DLGAP3: variants seen among roughly 807,000 people sequenced by gnomAD.
DLGAP3 encodes DLG associated protein 3, also known as disks large-associated protein 3.
DLGAP3 carries 17 observed loss-of-function variants against 81.2 expected under a neutral mutation model. The ratio of observed to expected loss-of-function variants is 0.21; its 90% CI spans 0.14 to 0.31. DLGAP3 has a LOEUF of 0.31. Ranked by LOEUF, DLGAP3 falls within the 10% of genes least tolerant of loss-of-function variation. The pLI is 1.00. For missense variants in DLGAP3, 1,124 were observed against 1,388.0 expected, an observed-to-expected ratio of 0.81 and a Z score of 3.02; for synonymous variants, 577 against 587.4, an observed-to-expected ratio of 0.98 and a Z score of 0.26.
At chr1:34,899,286 T>G (rs1639420715) in intron 5 of DLGAP3, among the ~76,000 whole-genome samples, 1 of 152,146 alleles carries the variant, frequency 6.6e-6, no homozygotes, top group South Asian at 2.1e-4. Context: ...GCCAGGCTGG[T>G]CTTGGTCTCC....
At chr1:34,889,919 T>A (rs1194109204) in intron 5 of DLGAP3, among the ~76,000 whole-genome samples, 2 of 152,156 alleles carry the variant, frequency 1.3e-5, no homozygotes, top group Admixed American at 6.5e-5. Context: ...TGGTAAAGGC[T>A]TAGGTTTTAA....
intron 1 of DLGAP3, among the ~76,000 whole-genome samples, chr1:34,909,844 A>G (rs1019913140): frequency 1.3e-5 from 2 of 152,152 alleles, no homozygotes; most frequent in African/African-American, 4.8e-5. Context: ...AAAAAAACAG[A>G]TGTGCCTTTT....
intron 1 of DLGAP3, among the ~76,000 whole-genome samples, chr1:34,925,188 C>G (rs1639851025): frequency 6.6e-6 from 1 of 151,966 alleles, no homozygotes; most frequent in Non-Finnish European, 1.5e-5. Flanking sequence ...TGACAACCCC[C>G]CCCCCACCTT....
intron 1 of DLGAP3, among the ~76,000 whole-genome samples, chr1:34,913,939 C>A (rs551673780): frequency 6.6e-6 from 1 of 152,270 alleles, no homozygotes; most frequent in East Asian, 1.9e-4. Context: ...GCATCTAGGT[C>A]TCCCCCAGAT....
At position 34,889,440 on chromosome 1, in the gene DLGAP3, C is replaced by A. The variant is rs568765262; in HGVS notation, c.1387-3155G>T. On this transcript the variant is annotated intron_variant, in intron 5 of 11. Coordinates refer to ENST00000373347, the MANE Select transcript of DLGAP3 (RefSeq NM_001080418.3). ...ATTGTACTGTGAATGCTCCTATTAT[C>A]CCTGCACTGACTTCCACCCTGCTTC... 2.6e-5 allele frequency among the ~76,000 whole-genome samples: 4 copies of A among 152,314 alleles called. No homozygotes were observed. In the South Asian group the frequency reaches 8.3e-4, roughly 32 times the overall value.
At chr1:34,892,975 A>G (rs1330269026) in intron 5 of DLGAP3, among the ~76,000 whole-genome samples, 2 of 151,518 alleles carry the variant, frequency 1.3e-5, no homozygotes, top group African/African-American at 4.8e-5. Flanking sequence ...GATCGAGACC[A>G]TCCTGGCTAA....
intron 1 of DLGAP3, among the ~76,000 whole-genome samples, chr1:34,911,722 A>G (rs183522859): frequency 3.3e-5 from 5 of 152,284 alleles, no homozygotes; most frequent in Non-Finnish European, 1.5e-5. Context: ...TTAAACCGGA[A>G]CTTGCTGGGG....
Position 34,905,126 on chromosome 1 carries a change from G to A in DLGAP3, c.258C>T (p.Ser86=). ...CAGGGTACATCCTGGGGAAGGTGCT[G>A]CTACCCCCCCCAACCCCGGCCCCCG... ...GPAGAGVGGG[S]STFPRMYPGQ... Residue 86 remains serine, a synonymous_variant, in exon 3 of 12, where the codon AGC becomes AGT. Transcript: ENST00000373347. 1.3e-6 allele frequency: 2 copies of A among 1,577,142 alleles called. No individual in the cohort carries two copies. Among genetic ancestry groups the A allele is most frequent in the Non-Finnish European group, 1.7e-6 (2 of 1,160,970 alleles).
intron 8 of DLGAP3, among the ~76,000 whole-genome samples, chr1:34,871,926 G>A (rs910302022): frequency 6.6e-6 from 1 of 152,172 alleles, no homozygotes; most frequent in African/African-American, 2.4e-5. Context: ...CTGATGGGAT[G>A]ACCAGAAGCA....
chr1:34,904,874 G>T lies in DLGAP3; in HGVS notation c.510C>A (p.Ile170=). Residue 170 remains isoleucine, a synonymous_variant, in exon 3 of 12, where the codon ATC becomes ATA. Coordinates refer to ENST00000373347, the MANE Select transcript of DLGAP3 (RefSeq NM_001080418.3). The surrounding 1 kb of genome is among the most constrained non-coding windows in gnomAD (Gnocchi z 8.1). ...PEPRSESPSR[I]RHLVHSVQKL... ...TCTGCACAGAATGAACCAGGTGCCG[G>T]ATGCGGCTAGGGCTCTCACTGCGGG... The T allele has an allele frequency of 6.2e-7, 1 of 1,610,514 alleles. No individual in the cohort carries two copies. Among genetic ancestry groups the T allele is most frequent in the South Asian group, 1.1e-5 (1 of 91,086 alleles).
rs1354185494 is a variant in DLGAP3 at position 34,904,299 on chromosome 1, G to A, written c.1085C>T (p.Ala362Val). The change falls in exon 3 of 12, where the codon GCC becomes GTC. Residue 362 changes from alanine to valine, a missense_variant. Ala to Val is a moderately conservative substitution (Grantham distance 64, BLOSUM62 0). Coordinates refer to ENST00000373347, the MANE Select transcript of DLGAP3 (RefSeq NM_001080418.3). This position sits in a 1 kb window ranked among gnomAD's most constrained non-coding sequence, Gnocchi z 8.1. Reference sequence around the variant, plus strand: ...CACCTGCAGATAGTGATAAGTCCTGGCTTTGGCCTTGGTCTCCGGACCCAG... The same window carrying A: ...CACCTGCAGATAGTGATAAGTCCTGACTTTGGCCTTGGTCTCCGGACCCAG... ...GLLGPETKAK[A>V]RTYHYLQVPQ... 1 of 1,606,612 alleles carries A rather than the reference G, an allele frequency of 6.2e-7. No individual in the cohort carries two copies. Among genetic ancestry groups the A allele is most frequent in the Admixed American group, 1.7e-5 (1 of 60,026 alleles).
At chr1:34,866,555 C>T (rs545292443) in intron 11 of DLGAP3, among the ~76,000 whole-genome samples, 7 of 152,310 alleles carry the variant, frequency 4.6e-5, no homozygotes, top group African/African-American at 1.7e-4. Flanking sequence ...CAGCTCGCAG[C>T]AGAGCCGGTT....
At chr1:34,887,757 C>CT (rs757573973) in intron 5 of DLGAP3, among the ~76,000 whole-genome samples, 17 of 152,222 alleles carry the variant, frequency 1.1e-4, no homozygotes, top group Non-Finnish European at 2.5e-4. Context: ...CTACCACTTC[C>CT]TAGCAGAATG....
In DLGAP3 at chr1:34,904,080, C is replaced by T. The variant is rs143527608; in HGVS notation, c.1107+197G>A. Among the ~76,000 whole-genome samples the T allele has an allele frequency of 5.3e-5, 8 of 152,266 alleles. No individual in the cohort carries two copies. The highest frequency in any genetic ancestry group is 1.0e-4 in the Non-Finnish European group (7 of 68,016). On this transcript the variant is annotated intron_variant, in intron 3 of 11. Transcript: ENST00000373347. The surrounding 1 kb of genome is among the most constrained non-coding windows in gnomAD (Gnocchi z 8.1). ...AGACACATCATTAGAACAGAAGGGCCCCTTCATTGCACAAATGGGGAAAGT... is the reference window on the plus strand; with the variant it reads ...AGACACATCATTAGAACAGAAGGGCTCCTTCATTGCACAAATGGGGAAAGT...
chr1:34,916,441 G>C (rs1639716800), intron 1 of DLGAP3, among the ~76,000 whole-genome samples: 1 of 152,172 alleles, frequency 6.6e-6, no homozygotes, highest in Non-Finnish European at 1.5e-5. Context: ...CCAGTGTTAA[G>C]CGCTTTAGAT....
intron 8 of DLGAP3, among the ~76,000 whole-genome samples, chr1:34,876,691 T>G (rs1023877025): frequency 3.9e-5 from 6 of 152,188 alleles, no homozygotes; most frequent in African/African-American, 1.4e-4. Context: ...TGTCACTCCC[T>G]CTGAATTCCC....
At chr1:34,903,266 G>C (rs1258577627) in intron 3 of DLGAP3, among the ~76,000 whole-genome samples, 2 of 152,042 alleles carry the variant, frequency 1.3e-5, no homozygotes, top group Non-Finnish European at 2.9e-5. Context: ...AGATGCCCAG[G>C]GCTCTCCCCT....
chr1:34,906,016 T>TTTTTTA (rs60469155), intron 2 of DLGAP3, among the ~76,000 whole-genome samples: 2 of 64,812 alleles, frequency 3.1e-5, no homozygotes, highest in Non-Finnish European at 3.4e-5. Flanking sequence ...GCCTCTAAAT[T>TTTTTTA]TATATATATA....
chr1:34,899,281 G>T (rs1020636496), intron 5 of DLGAP3, among the ~76,000 whole-genome samples: 4 of 152,102 alleles, frequency 2.6e-5, no homozygotes, highest in Non-Finnish European at 5.9e-5. Flanking sequence ...TGTTAGCCAG[G>T]CTGGTCTTGG....
Sources: allele counts gnomAD v4.1 joint callset (sites outside exome capture counted in the v4.1 genomes callset), GRCh38; gene constraint gnomAD v4.1.1; non-coding constraint Gnocchi (gnomAD v3.1); transcripts MANE v1.5; gene names NCBI Gene and HGNC (gene_info 2026-07-23, HGNC 2026-07-21).